The following AIFM2 variants were observed in gnomAD, a reference collection of about 807,000 sequenced individuals.
AIFM2 encodes AIF family member 2, ferroptosis suppressor.
A neutral mutation model predicts 35.7 loss-of-function variants in AIFM2; 38 were observed. The ratio of observed to expected loss-of-function variants is 1.06; its 90% CI spans 0.82 to 1.39. AIFM2 has a LOEUF of 1.39. Among genes scored for constraint, AIFM2 ranks in the 40% most tolerant of loss-of-function variants. The pLI, the probability that AIFM2 is intolerant of heterozygous loss-of-function variation, is 0.00. For synonymous variants in AIFM2, 185 were observed against 203.5 expected, an observed-to-expected ratio of 0.91 and a Z score of 0.77; for missense variants, 476 against 491.2, an observed-to-expected ratio of 0.97 and a Z score of 0.29.
chr10:70,132,293 T>G (rs2072634618), intron 1 of AIFM2, among the ~76,000 whole-genome samples: 2 of 152,282 alleles, frequency 1.3e-5, no homozygotes, highest in South Asian at 4.1e-4. Context: ...TCTTTCCTCT[T>G]AGAGACTGAG....
intron 1 of AIFM2, among the ~76,000 whole-genome samples, chr10:70,125,478 C>A (rs921004131): frequency 1.5e-3 from 196 of 130,022 alleles, no homozygotes; most frequent in African/African-American, 4.8e-3. Flanking sequence ...AAAAGCCAGG[C>A]GTGGTGATGG....
intron 3 of AIFM2, 33 bp downstream of exon 3, chr10:70,123,372 A>G: frequency 6.3e-7 from 1 of 1,592,650 alleles, no homozygotes; most frequent in South Asian, 1.1e-5. Context: ...AGGGCCCTTG[A>G]GCCAGCTGGC....
At chr10:70,114,807 C>T (rs1277287479) in intron 8 of AIFM2, 113 bp downstream of exon 8, 4 of 1,295,030 alleles carry the variant, frequency 3.1e-6, no homozygotes, top group Admixed American at 2.1e-5. Flanking sequence ...ATGTTTCCAT[C>T]ACCAGCTTGG....
In AIFM2 at chr10:70,114,297, T is replaced by C; in HGVS notation, c.1003A>G (p.Asn335Asp). The C allele has an allele frequency of 6.2e-7, 1 of 1,613,812 alleles. No homozygotes were observed. The highest frequency in any genetic ancestry group is 8.5e-7 in the Non-Finnish European group (1 of 1,179,962). The change falls in exon 9 of 9, where the codon AAT becomes GAT. Residue 335 changes from asparagine (N) to aspartate (D), a missense_variant. Transcript: ENST00000307864. ...CCACTGATTTGGCCCACACCGTCAT[T>C]TCTCCCCATGGACAGGAGGAACGTC... The part of the protein sequence containing the change: ...ALTFLLSMGR[N>D]DGVGQISGFY...
intron 3 of AIFM2, 38 bp from the exon 4 acceptor site, chr10:70,121,249 A>G: frequency 6.6e-7 from 1 of 1,507,110 alleles, no homozygotes; most frequent in Non-Finnish European, 8.8e-7. Flanking sequence ...AAAAAAAAAA[A>G]AAAGATGAGG....
Position 70,124,070 on chromosome 10 carries a change from G to A in AIFM2, c.15C>T (p.Val5=), listed in dbSNP as rs1200098813. Residue 5 remains valine (V), a synonymous_variant, in exon 2 of 9, where the codon GTC becomes GTT. Coordinates refer to ENST00000307864, the MANE Select transcript of AIFM2 (RefSeq NM_032797.6). Reference sequence around the variant, plus strand: ...CGTGCAGAGCTCCCGATTCCACCGAGACCTGGGACCCCATCTCAAATCAGG... The same window carrying A: ...CGTGCAGAGCTCCCGATTCCACCGAAACCTGGGACCCCATCTCAAATCAGG... MGSQ[V]SVESGALHVV... The A allele has an allele frequency of 7.8e-6, 12 of 1,543,568 alleles. No individual in the cohort carries two copies. The highest frequency in any genetic ancestry group is 1.1e-5 in the Non-Finnish European group (12 of 1,140,980).
At chr10:70,115,582 T>C (rs2136651869) in intron 7 of AIFM2, among the ~76,000 whole-genome samples, 1 of 152,262 alleles carries the variant, frequency 6.6e-6, no homozygotes, top group Admixed American at 6.5e-5. Flanking sequence ...GTCTGACCAA[T>C]ATGGTGAAAC....
chr10:70,132,567 C>T (rs2072637971), intron 1 of AIFM2, among the ~76,000 whole-genome samples, 167 bp downstream of exon 1: 1 of 152,196 alleles, frequency 6.6e-6, no homozygotes, highest in Non-Finnish European at 1.5e-5. Context: ...GAGGGGCGGG[C>T]CTGAGTCGAG....
rs1336972011 is a variant in AIFM2, at chr10:70,123,499, ATGAATGTCTTTT to A, written c.188_199del (p.Lys63_Phe66del). The A allele has an allele frequency of 6.2e-7, 1 of 1,613,994 alleles. No individual in the cohort carries two copies. The highest frequency in any genetic ancestry group is 8.5e-7 in the Non-Finnish European group (1 of 1,180,002). ...GTCCTTGAAAGTCACCGAGTAAGAA[ATGAATGTCTTTT>A]TGGCGAACCCTGGGGAAGGGACACA... On this transcript the variant is annotated inframe_deletion, in exon 3 of 9. Transcript: ENST00000307864.
chr10:70,114,965 T>C lies in AIFM2; in HGVS notation c.925A>G (p.Ile309Val), dbSNP rs1589845169. 3 of 1,614,184 alleles carry C rather than the reference T, an allele frequency of 1.9e-6. No homozygotes were observed. The highest frequency in any genetic ancestry group is 1.1e-5 in the South Asian group (1 of 91,084). The change falls in exon 8 of 9, where the codon ATC (isoleucine) becomes GTC (valine). Residue 309 changes from isoleucine to valine, a missense_variant. Ile to Val is a conservative substitution (Grantham distance 29, BLOSUM62 3). Transcript: ENST00000307864. The part of the protein sequence containing the change: ...GLHANIAVAN[I>V]VNSVKQRPLQ... ...GGCCGCTGCTTCACAGAGTTGACGA[T>C]GTTGGCCACGGCGATGTTGGCGTGG...
At chr10:70,114,742 G>A in intron 8 of AIFM2, 178 bp downstream of exon 8, 1 of 762,776 alleles carries the variant, frequency 1.3e-6, no homozygotes, top group African/African-American at 1.8e-5. Flanking sequence ...CCAAAGTGCT[G>A]GGGTTACAGG....
chr10:70,114,042 G>T lies in AIFM2; in HGVS notation c.*136C>A. 2 of 1,149,124 alleles carry T rather than the reference G, an allele frequency of 1.7e-6. No homozygotes were observed. The highest frequency in any genetic ancestry group is 2.4e-6 in the Non-Finnish European group (2 of 835,394). 71.2% of individuals were successfully genotyped at this position (1,149,124 alleles called of 1,614,324 possible). On this transcript the variant is annotated 3_prime_UTR_variant, in exon 9 of 9. Transcript: ENST00000307864. Reference sequence around the variant, plus strand: ...CTCCCATTTTTGTTTTATACAAGTTGCATTTCTAGCCACCACATCATTGGC... The same window carrying T: ...CTCCCATTTTTGTTTTATACAAGTTTCATTTCTAGCCACCACATCATTGGC...
intron 1 of AIFM2, among the ~76,000 whole-genome samples, chr10:70,124,446 TC>T (rs1463727234): frequency 5.3e-5 from 8 of 152,176 alleles, no homozygotes; most frequent in African/African-American, 1.9e-4. Flanking sequence ...CTTGATATAT[TC>T]CATCAAAGAC....
intron 1 of AIFM2, among the ~76,000 whole-genome samples, chr10:70,127,594 G>A (rs1005729220): frequency 3.9e-5 from 6 of 152,148 alleles, no homozygotes; most frequent in African/African-American, 7.2e-5. Flanking sequence ...AGCCTGCTCC[G>A]GGCCCTTCAT....
chr10:70,124,478 G>A (rs1402019640), intron 1 of AIFM2, among the ~76,000 whole-genome samples: 7 of 152,172 alleles, frequency 4.6e-5, no homozygotes, highest in African/African-American at 1.7e-4. Flanking sequence ...GATTGCAGTG[G>A]GGCAGGAGGA....
Position 70,131,526 on chromosome 10 carries a change from G to A in AIFM2, c.-14+1208C>T, listed in dbSNP as rs188156849. 3.3e-5 allele frequency among the ~76,000 whole-genome samples: 5 copies of A among 152,328 alleles called. No individual in the cohort carries two copies. Among genetic ancestry groups the A allele is most frequent in the Admixed American group, 2.6e-4 (4 of 15,300 alleles). Reference sequence around the variant, plus strand: ...GGGGAGGGCAGCTCTGGGGCAGACAGGTTCATCTGGATGTCATATTCACTC... The same window carrying A: ...GGGGAGGGCAGCTCTGGGGCAGACAAGTTCATCTGGATGTCATATTCACTC... On this transcript the variant is annotated intron_variant, in intron 1 of 8. Coordinates refer to ENST00000307864, the MANE Select transcript of AIFM2 (RefSeq NM_032797.6). This position sits in a 1 kb window ranked among gnomAD's most constrained non-coding sequence, Gnocchi z 4.1.
At chr10:70,120,684 C>CT in intron 4 of AIFM2, 85 bp from the exon 5 acceptor site, 6 of 1,471,226 alleles carry the variant, frequency 4.1e-6, no homozygotes, top group Non-Finnish European at 5.7e-6. Context: ...TGTGGTGTGG[C>CT]TCCCTGGGCC....
At chr10:70,127,180 A>G (rs1408524358) in intron 1 of AIFM2, among the ~76,000 whole-genome samples, 1 of 152,166 alleles carries the variant, frequency 6.6e-6, no homozygotes, top group Non-Finnish European at 1.5e-5. Context: ...GCAGCGTGCA[A>G]CCCTCTGTGC....
Position 70,131,104 on chromosome 10 carries a change from C to G in AIFM2, c.-14+1630G>C, listed in dbSNP as rs896074498. On this transcript the variant is annotated intron_variant, in intron 1 of 8. Coordinates refer to ENST00000307864, the MANE Select transcript of AIFM2 (RefSeq NM_032797.6). The surrounding 1 kb of genome is among the most constrained non-coding windows in gnomAD (Gnocchi z 4.1). ...CCAAAGCTGTTCAGAGGTTGTGCCT[C>G]AGAAGACACACAGCAGGAACCGTGT... Among the ~76,000 whole-genome samples the G allele has an allele frequency of 6.6e-6, 1 of 152,212 alleles. No individual in the cohort carries two copies. The highest frequency in any genetic ancestry group is 6.5e-5 in the Admixed American group (1 of 15,274).
Sources: allele counts gnomAD v4.1 joint callset (sites outside exome capture counted in the v4.1 genomes callset), GRCh38; gene constraint gnomAD v4.1.1; non-coding constraint Gnocchi (gnomAD v3.1); transcripts MANE v1.5; gene names NCBI Gene and HGNC (gene_info 2026-07-23, HGNC 2026-07-21).